Variants in ARNT2 observed in about 807,000 individuals in gnomAD.
ARNT2 encodes aryl hydrocarbon receptor nuclear translocator 2, also known as ARNT protein 2.
ARNT2 carries 36 observed loss-of-function variants against 91.7 expected under a neutral mutation model. That is an observed-to-expected ratio of 0.39 (90% CI 0.30 to 0.52). The LOEUF is 0.52. Among genes scored for constraint, ARNT2 ranks in the 20% least tolerant of loss-of-function variants. The probability of loss-of-function intolerance (pLI) is 0.72; values close to 1 mark genes in which losing one functional copy is unlikely to be tolerated. For missense variants in ARNT2, 775 were observed against 939.3 expected (o/e 0.83, Z 2.29); for synonymous variants, 365 against 347.1 (o/e 1.05, Z -0.57).
intron 8 of ARNT2, among the ~76,000 whole-genome samples, chr15:80,529,814 T>G (rs1555412091): frequency 6.6e-6 from 1 of 152,220 alleles, no homozygotes; most frequent in Non-Finnish European, 1.5e-5. Context: ...TATCCTTTGC[T>G]CCAAAATCTT....
chr15:80,513,817 C>T lies in ARNT2; in HGVS notation c.726-94C>T, dbSNP rs546695077. On this transcript the variant is annotated intron_variant, in intron 6 of 18. Coordinates refer to ENST00000303329, the MANE Select transcript of ARNT2 (RefSeq NM_014862.4). ...GGCGTCACCTGAATAAATGTGTAAGCATCAATTAAGGCTCATCTACTTGAT... is the reference window on the plus strand; with the variant it reads ...GGCGTCACCTGAATAAATGTGTAAGTATCAATTAAGGCTCATCTACTTGAT... The T allele has an allele frequency of 4.8e-6, 5 of 1,047,148 alleles. No individual in the cohort carries two copies. In the East Asian group the frequency reaches 1.2e-4, roughly 25 times the overall value. 64.9% of individuals were successfully genotyped at this position (1,047,148 alleles called of 1,614,324 possible). A position where few individuals can be genotyped will look rare whatever the true frequency, so the allele number is the denominator to read the frequency against.
Position 80,522,687 on chromosome 15 carries a change from G to A in ARNT2, c.877+8282G>A, listed in dbSNP as rs894165000. 5.9e-5 allele frequency among the ~76,000 whole-genome samples: 9 copies of A among 151,752 alleles called. 1 individual carries two copies. Among genetic ancestry groups the A allele is most frequent in the Admixed American group, 5.2e-4 (8 of 15,244 alleles). On this transcript the variant is annotated intron_variant, in intron 8 of 18. Transcript: ENST00000303329. The stretch of plus-strand genomic sequence containing the variant: ...TAAAAATATGGTATTGTAATCTTAT[G>A]GGACCACTGTCATATATGCAGTCTG...
intron 5 of ARNT2, among the ~76,000 whole-genome samples, chr15:80,501,057 C>G (rs1566988209): frequency 6.6e-6 from 1 of 152,060 alleles, no homozygotes; most frequent in African/African-American, 2.4e-5. Context: ...AGCATAGTTC[C>G]CTGTGAGCTT....
chr15:80,504,862 A>G (rs957918097), intron 5 of ARNT2, among the ~76,000 whole-genome samples: 3 of 151,910 alleles, frequency 2.0e-5, no homozygotes, highest in African/African-American at 4.8e-5. Context: ...AGAGTGGCAC[A>G]CTGGGGAGCT....
At chr15:80,461,681 G>T in intron 3 of ARNT2, among the ~76,000 whole-genome samples, 1 of 152,094 alleles carries the variant, frequency 6.6e-6, no homozygotes, top group East Asian at 1.9e-4. Context: ...GCAGGGGCTG[G>T]CTGGCTGTGT....
chr15:80,593,491 C>T, intron 18 of ARNT2, 109 bp from the exon 19 acceptor site: 1 of 853,438 alleles, frequency 1.2e-6, no homozygotes, highest in South Asian at 1.7e-5. Context: ...CTGGGCTGCC[C>T]CTTTAGGGAT....
chr15:80,508,074 G>T, intron 5 of ARNT2, 82 bp from the exon 6 acceptor site: 1 of 1,339,286 alleles, frequency 7.5e-7, no homozygotes, highest in Non-Finnish European at 1.1e-6. Flanking sequence ...CAGAGCATTT[G>T]GAGAAAGCAC....
chr15:80,457,817 A>G, intron 2 of ARNT2, 112 bp from the exon 3 acceptor site: 1 of 1,145,932 alleles, frequency 8.7e-7, no homozygotes, highest in Non-Finnish European at 1.3e-6. Context: ...AAAGGTTGGG[A>G]TCAATGGATA....
At chr15:80,485,718 A>G (rs1595982722) in intron 5 of ARNT2, among the ~76,000 whole-genome samples, 2 of 152,150 alleles carry the variant, frequency 1.3e-5, no homozygotes, top group East Asian at 3.8e-4. Context: ...GACCAATTGC[A>G]GGCCACTGAG....
Position 80,469,082 on chromosome 15 carries a change from C to T in ARNT2, c.195-1136C>T, listed in dbSNP as rs1266087089. ...TCTCATTTTTTGAACACCAGTGAAA[C>T]CCTAAATCCTGCAGCAGACATGGGA... is the stretch of plus-strand genomic sequence containing the variant. On this transcript the variant is annotated intron_variant, in intron 3 of 18. Coordinates refer to ENST00000303329, the MANE Select transcript of ARNT2 (RefSeq NM_014862.4). Among the ~76,000 whole-genome samples, 5 of 152,120 alleles carry T rather than the reference C, an allele frequency of 3.3e-5. No homozygotes were observed. In the East Asian group the frequency reaches 9.6e-4, roughly 29 times the overall value.
intron 1 of ARNT2, among the ~76,000 whole-genome samples, chr15:80,409,780 G>C (rs571478276): frequency 2.6e-5 from 4 of 152,348 alleles, no homozygotes; most frequent in East Asian, 1.9e-4. Flanking sequence ...TTTGAAGTCA[G>C]TGAAAGCCTC....
rs772258655 is a variant in ARNT2 at position 80,576,867 on chromosome 15, G to A, written c.1515G>A (p.Ser505=). Residue 505 remains serine, a splice_region_variant and synonymous_variant, in exon 15 of 19, where the codon TCG becomes TCA. Transcript: ENST00000303329. ...TGACTCCTGCTCTGGTTTTCCTAGC[G>A]GAGAAGAAGATGATGAGCTCAGCCT... ...FAEMFAGISA[S]EKKMMSSASA... is the part of the protein sequence containing the mutation. The A allele has an allele frequency of 5.0e-5, 81 of 1,613,922 alleles. No individual in the cohort carries two copies. Among genetic ancestry groups the A allele is most frequent in the Middle Eastern group, 1.6e-4 (1 of 6,084 alleles).
At position 80,508,243 on chromosome 15, in the gene ARNT2, T is replaced by C; in HGVS notation, c.710T>C (p.Phe237Ser). The change falls in exon 6 of 19, where the codon TTC (phenylalanine) becomes TCC (serine). Residue 237 changes from phenylalanine (F) to serine (S), a missense_variant. Physicochemically the swap from Phe to Ser is radical, Grantham distance 155. This residue lies in a region of ARNT2 where 285 missense variants were observed against 327.2 expected (regional missense o/e 0.87). Coordinates refer to ENST00000303329, the MANE Select transcript of ARNT2 (RefSeq NM_014862.4). The stretch of plus-strand genomic sequence containing the variant: ...ATGTGCATGGGCTCGCGGCGGTCTT[T>C]CATCTGCAGGATGAGGTCTGTTTTG... ...MRMCMGSRRS[F>S]ICRMRCGNAP... 1 of 1,614,082 alleles carries C rather than the reference T, an allele frequency of 6.2e-7. No homozygotes were observed. Among genetic ancestry groups the C allele is most frequent in the Non-Finnish European group, 8.5e-7 (1 of 1,179,956 alleles).
chr15:80,491,034 A>G (rs1014254083), intron 5 of ARNT2, among the ~76,000 whole-genome samples: 3 of 152,114 alleles, frequency 2.0e-5, no homozygotes, highest in African/African-American at 7.2e-5. Flanking sequence ...AAATGGAAGG[A>G]CATGAATGGG....
intron 5 of ARNT2, among the ~76,000 whole-genome samples, chr15:80,505,927 G>GTTTTTTTTTTTTTTTTTTTTTTTTTT (rs1161520898): frequency 1.1e-5 from 1 of 88,930 alleles, no homozygotes; most frequent in African/African-American, 4.3e-5. Flanking sequence ...AACATTTGTT[G>GTTTTTTTTTTTTTTTTTTTTTTTTTT]TTTTTTTTTT....
At chr15:80,487,296 C>T (rs1389487181) in intron 5 of ARNT2, among the ~76,000 whole-genome samples, 1 of 152,238 alleles carries the variant, frequency 6.6e-6, no homozygotes, top group African/African-American at 2.4e-5. Context: ...TCATGTTGTC[C>T]ATGCGCACAG....
intron 3 of ARNT2, among the ~76,000 whole-genome samples, chr15:80,459,820 A>G (rs56007499): frequency 0.23 from 34,905 of 152,136 alleles, 4,248 homozygotes; most frequent in Non-Finnish European, 0.28. Context: ...TTTCCAGCAT[A>G]TGCTGTTACT....
At position 80,499,001 on chromosome 15, in the gene ARNT2, C is replaced by T. The variant is rs546985400; in HGVS notation, c.623-9155C>T. ...CCGCAGTTCTCAGCTGTGAGACAAC[C>T]GTAACTGGTTACTTAGTGTCTCTGG... On this transcript the variant is annotated intron_variant, in intron 5 of 18. Transcript: ENST00000303329. 3.9e-5 allele frequency among the ~76,000 whole-genome samples: 6 copies of T among 152,310 alleles called. 1 individual carries two copies. Among genetic ancestry groups the T allele is most frequent in the South Asian group, 4.2e-4 (2 of 4,816 alleles).
chr15:80,482,870 C>T (rs530912756), intron 5 of ARNT2, among the ~76,000 whole-genome samples: 2 of 152,194 alleles, frequency 1.3e-5, no homozygotes, highest in African/African-American at 2.4e-5. Flanking sequence ...TTCAAGTCAT[C>T]GTGATGCATG....
Sources: allele counts gnomAD v4.1 joint callset (sites outside exome capture counted in the v4.1 genomes callset), GRCh38; gene constraint gnomAD v4.1.1; regional missense constraint gnomAD v4.1.1; transcripts MANE v1.5; gene names NCBI Gene and HGNC (gene_info 2026-07-23, HGNC 2026-07-21).